SPAG6: variants seen among roughly 807,000 people sequenced by gnomAD.
SPAG6 encodes the protein sperm-associated antigen 6.
Under a neutral mutation model 58.5 loss-of-function variants are expected in SPAG6, and 49 were observed. That is an observed-to-expected ratio of 0.84 (90% CI 0.67 to 1.06). The LOEUF is 1.06. Ranked by LOEUF, SPAG6 falls within the 50% of genes least tolerant of loss-of-function variation. The pLI, the probability that SPAG6 is intolerant of heterozygous loss-of-function variation, is 0.00. For synonymous variants in SPAG6, 233 were observed against 225.6 expected (o/e 1.03, Z -0.29); for missense variants, 560 against 611.3 (o/e 0.92, Z 0.89).
chr10:22,412,662 C>A, intron 10 of SPAG6: 1 of 504,332 alleles, frequency 2.0e-6, no homozygotes, highest in Non-Finnish European at 3.5e-6. Flanking sequence ...ATCTCCGCCT[C>A]CCGGGTTCAA....
chr10:22,414,775 A>G (rs951447245), intron 10 of SPAG6, among the ~76,000 whole-genome samples: 1 of 152,136 alleles, frequency 6.6e-6, no homozygotes. Flanking sequence ...TAAATTAATT[A>G]ATTTTTTTGA....
chr10:22,385,653 C>T (rs1008387037), intron 4 of SPAG6, among the ~76,000 whole-genome samples: 8 of 152,048 alleles, frequency 5.3e-5, no homozygotes, highest in African/African-American at 1.9e-4. Flanking sequence ...TTAAGGAAAG[C>T]AAATATTGGA....
At position 22,348,527 on chromosome 10, in the gene SPAG6, C is replaced by A. The variant is rs965158287; in HGVS notation, c.121+2709C>A. Among the ~76,000 whole-genome samples the A allele has an allele frequency of 2.6e-5, 4 of 152,154 alleles. 1 individual carries two copies. In the South Asian group the frequency reaches 8.3e-4, roughly 32 times the overall value. On this transcript the variant is annotated intron_variant, in intron 2 of 10. Transcript: ENST00000376624. Reference sequence around the variant, plus strand: ...TTTTCTCATTTTTCCCTCCAATATGCTAAGTAAATATATATCATGGATCCA... The same window carrying A: ...TTTTCTCATTTTTCCCTCCAATATGATAAGTAAATATATATCATGGATCCA...
intron 2 of SPAG6, among the ~76,000 whole-genome samples, chr10:22,354,083 T>C (rs1588634120): frequency 1.3e-5 from 2 of 152,320 alleles, no homozygotes; most frequent in Middle Eastern, 3.4e-3. Context: ...CTCCTGGAAT[T>C]GATGGAAAGC....
At chr10:22,406,365 A>G (rs1253673931) in intron 9 of SPAG6, among the ~76,000 whole-genome samples, 8 of 152,082 alleles carry the variant, frequency 5.3e-5, no homozygotes, top group African/African-American at 1.4e-4. Context: ...TTCAAAGAAC[A>G]TCTTTATTTC....
intron 2 of SPAG6, among the ~76,000 whole-genome samples, chr10:22,363,997 G>A (rs1488573987): frequency 6.6e-6 from 1 of 152,064 alleles, no homozygotes; most frequent in Non-Finnish European, 1.5e-5. Context: ...TTACAGTAAG[G>A]CAAAGTTAAT....
chr10:22,387,998 T>C lies in SPAG6; in HGVS notation c.852+2T>C, dbSNP rs1467643477. On this transcript the variant is annotated splice_donor_variant, in intron 6 of 10. Coordinates refer to ENST00000376624, the MANE Select transcript of SPAG6 (RefSeq NM_012443.4). LOFTEE classifies it high-confidence loss of function. ...GAGATTGCAAAACATACACCCGAGG[T>C]GAAAAGAAACTTCAAGGCACAATAA... 2.5e-6 allele frequency: 4 copies of C among 1,596,464 alleles called. No homozygotes were observed. The highest frequency in any genetic ancestry group is 3.4e-6 in the Non-Finnish European group (4 of 1,174,168).
intron 4 of SPAG6, among the ~76,000 whole-genome samples, chr10:22,373,128 G>A (rs1833737932): frequency 6.6e-6 from 1 of 152,046 alleles, no homozygotes; most frequent in African/African-American, 2.4e-5. Flanking sequence ...TTTCTCTTGT[G>A]GACCTGATTT....
intron 9 of SPAG6, among the ~76,000 whole-genome samples, chr10:22,404,831 C>G (rs1834510228): frequency 6.6e-6 from 1 of 152,090 alleles, no homozygotes; most frequent in African/African-American, 2.4e-5. Flanking sequence ...GTTTGTAGTT[C>G]TCCTTGAAGA....
At chr10:22,355,347 A>G (rs1360793352) in intron 2 of SPAG6, among the ~76,000 whole-genome samples, 1 of 152,158 alleles carries the variant, frequency 6.6e-6, no homozygotes, top group African/African-American at 2.4e-5. Flanking sequence ...TAAATAAGTG[A>G]ATGAATTTAT....
chr10:22,386,934 T>C lies in SPAG6; in HGVS notation c.653T>C (p.Ile218Thr), dbSNP rs781091702. ...GCTGTTGCTCATTTAGCCCAGATGA[T>C]CCTGAACCCTGATGCTAAATTGAAG... ...AGAVAHLAQM[I>T]LNPDAKLKHQ... Residue 218 changes from isoleucine (I) to threonine (T), a missense_variant, in exon 5 of 11, where the codon ATC (isoleucine) becomes ACC (threonine). By Grantham distance (89) the Ile-to-Thr change is moderately conservative (BLOSUM62 -1). Coordinates refer to ENST00000376624, the MANE Select transcript of SPAG6 (RefSeq NM_012443.4). The C allele has an allele frequency of 2.5e-6, 4 of 1,613,540 alleles. No homozygotes were observed. In the Admixed American group the frequency reaches 6.7e-5, roughly 27 times the overall value.
chr10:22,393,807 T>C (rs1834233341), intron 8 of SPAG6, among the ~76,000 whole-genome samples: 1 of 152,172 alleles, frequency 6.6e-6, no homozygotes, highest in Non-Finnish European at 1.5e-5. Flanking sequence ...AGAATAAAAG[T>C]CCATTCAAGC....
chr10:22,386,262 G>T (rs1483313207), intron 4 of SPAG6, among the ~76,000 whole-genome samples: 1 of 152,004 alleles, frequency 6.6e-6, no homozygotes, highest in African/African-American at 2.4e-5. Flanking sequence ...TCTTTTAAAA[G>T]TACTACAAGA....
In SPAG6 at chr10:22,345,808, G is replaced by T; in HGVS notation, c.111G>T (p.Leu37=). 1.2e-6 allele frequency: 2 copies of T among 1,613,210 alleles called. No individual in the cohort carries two copies. Among genetic ancestry groups the T allele is most frequent in the Non-Finnish European group, 1.7e-6 (2 of 1,179,632 alleles). Reference sequence around the variant, plus strand: ...CTAGACCCCAAAACATCGAGACGCTGCAGAACGCGGGTGAGCCCGGAGCCC... The same window carrying T: ...CTAGACCCCAAAACATCGAGACGCTTCAGAACGCGGGTGAGCCCGGAGCCC... ...LATRPQNIET[L]QNAGVMSLLR... The change falls in exon 2 of 11, where the codon CTG becomes CTT. Residue 37 remains leucine, a synonymous_variant. Transcript: ENST00000376624. This position sits in a 1 kb window ranked among gnomAD's most constrained non-coding sequence, Gnocchi z 6.3.
rs541658599 is a variant in SPAG6, at chr10:22,411,134, A to G, written c.1418A>G (p.Tyr473Cys). The G allele has an allele frequency of 2.5e-6, 4 of 1,613,886 alleles. No individual in the cohort carries two copies. The Admixed American group carries it at 5.0e-5, about 20-fold the overall frequency. The change falls in exon 10 of 11, where the codon TAC becomes TGC. Residue 473 changes from tyrosine (Y) to cysteine (C), a missense_variant. Tyr to Cys is a radical substitution (Grantham distance 194). Coordinates refer to ENST00000376624, the MANE Select transcript of SPAG6 (RefSeq NM_012443.4). ...KAEPGSLLQE[Y>C]INSINSCYPE... ...GAACCTGGTTCTCTCCTTCAAGAAT[A>G]CATCAACAGTATTAACAGTTGTTAC...
chr10:22,353,298 A>G (rs1301266610), intron 2 of SPAG6, among the ~76,000 whole-genome samples: 1 of 152,238 alleles, frequency 6.6e-6, no homozygotes. Context: ...GGATGTAATT[A>G]GGTATTTACT....
In SPAG6 at chr10:22,406,068, T is replaced by C. The variant is rs1436911653; in HGVS notation, c.1314+4791T>C. 2.0e-5 allele frequency among the ~76,000 whole-genome samples: 3 copies of C among 152,236 alleles called. No homozygotes were observed. In the East Asian group the frequency reaches 5.8e-4, roughly 29 times the overall value. ...TCTTGCTAGCGGTCTATCAATTTTG[T>C]GGATCTTTTCAAAAAACCAGCTCCT... On this transcript the variant is annotated intron_variant, in intron 9 of 10. Transcript: ENST00000376624.
intron 2 of SPAG6, among the ~76,000 whole-genome samples, chr10:22,352,723 G>A (rs1836764548): frequency 6.6e-6 from 1 of 152,122 alleles, no homozygotes; most frequent in South Asian, 2.1e-4. Context: ...TCACCAGGCT[G>A]GTCTTGAACT....
At chr10:22,382,304 A>G (rs946833769) in intron 4 of SPAG6, among the ~76,000 whole-genome samples, 1 of 152,192 alleles carries the variant, frequency 6.6e-6, no homozygotes, top group South Asian at 2.1e-4. Flanking sequence ...AAAACAACTG[A>G]TCATCAGATT....
Sources: allele counts gnomAD v4.1 joint callset (sites outside exome capture counted in the v4.1 genomes callset), GRCh38; gene constraint gnomAD v4.1.1; non-coding constraint Gnocchi (gnomAD v3.1); transcripts MANE v1.5; gene names NCBI Gene and HGNC (gene_info 2026-07-23, HGNC 2026-07-21).